The following MTMR2 variants were observed in gnomAD, a reference collection of about 807,000 sequenced individuals.
The protein encoded by MTMR2 is myotubularin related protein 2, also known as phosphatidylinositol-3,5-bisphosphate 3-phosphatase MTMR2.
A neutral mutation model predicts 86.9 loss-of-function variants in MTMR2; 55 were observed. That is an observed-to-expected ratio of 0.63 (90% confidence interval 0.51 to 0.79). The LOEUF is 0.79. Among genes scored for constraint, MTMR2 ranks in the 30% least tolerant of loss-of-function variants. MTMR2 has a pLI of 0.00. For synonymous variants in MTMR2, 241 were observed against 266.8 expected, an observed-to-expected ratio of 0.90 and a Z score of 0.94; for missense variants, 659 against 772.3, an observed-to-expected ratio of 0.85 and a Z score of 1.74.
intron 1 of MTMR2, among the ~76,000 whole-genome samples, chr11:95,889,351 T>C (rs942541943): frequency 6.6e-6 from 1 of 152,034 alleles, no homozygotes; most frequent in East Asian, 1.9e-4. Context: ...CAGGCTGGTC[T>C]TGAACTCCTG....
rs369934307 is a variant in MTMR2 at position 95,861,986 on chromosome 11, A to G, written c.468+6T>C. 7 of 1,594,214 alleles carry G rather than the reference A, an allele frequency of 4.4e-6. No homozygotes were observed. Among genetic ancestry groups the G allele is most frequent in the Admixed American group, 1.7e-5 (1 of 59,974 alleles). ...AAGAAAATCACATACATATTATAACATTTACCTTACACACAGTTTCTAGTC... is the reference window on the plus strand; with the variant it reads ...AAGAAAATCACATACATATTATAACGTTTACCTTACACACAGTTTCTAGTC... On this transcript the variant is annotated splice_donor_region_variant and intron_variant, in intron 5 of 14. Coordinates refer to ENST00000346299, the MANE Select transcript of MTMR2 (RefSeq NM_016156.6).
chr11:95,893,695 G>A (rs1865788173), intron 1 of MTMR2, among the ~76,000 whole-genome samples: 1 of 151,992 alleles, frequency 6.6e-6, no homozygotes, highest in Non-Finnish European at 1.5e-5. Context: ...TTCCCCAAGT[G>A]ACTTTTTTAA....
At chr11:95,904,194 C>A (rs1565383052) in intron 1 of MTMR2, among the ~76,000 whole-genome samples, 1 of 152,104 alleles carries the variant, frequency 6.6e-6, no homozygotes, top group Non-Finnish European at 1.5e-5. Context: ...CTTGTTTACA[C>A]AAGAAAATCT....
At chr11:95,918,820 GCATATTTCCTACCAACATATC>G (rs1287485878) in intron 1 of MTMR2, among the ~76,000 whole-genome samples, 2 of 152,060 alleles carry the variant, frequency 1.3e-5, no homozygotes, top group African/African-American at 2.4e-5. Flanking sequence ...CAACATAAAA[GCATATTTCCTACCAACATATC>G]ACTTTTTTTT....
Position 95,849,664 on chromosome 11 carries a change from A to G in MTMR2, c.993+10T>C, listed in dbSNP as rs771356983. ...AAACCATAATTATAATTACTAAGAG[A>G]CCATCTGACCTTGTTGGCAACAGCA... On this transcript the variant is annotated intron_variant, in intron 9 of 14. Coordinates refer to ENST00000346299, the MANE Select transcript of MTMR2 (RefSeq NM_016156.6). The G allele has an allele frequency of 3.8e-6, 6 of 1,589,852 alleles. No individual in the cohort carries two copies. In the South Asian group the frequency reaches 6.6e-5, roughly 17 times the overall value.
At chr11:95,839,474 TAGCTC>T (rs1434694374) in intron 12 of MTMR2, among the ~76,000 whole-genome samples, 1 of 152,158 alleles carries the variant, frequency 6.6e-6, no homozygotes, top group Non-Finnish European at 1.5e-5. Flanking sequence ...GCAAAACTGT[TAGCTC>T]AGTTATGAGA....
At chr11:95,872,895 T>C (rs949697366) in intron 2 of MTMR2, among the ~76,000 whole-genome samples, 8 of 152,250 alleles carry the variant, frequency 5.3e-5, no homozygotes, top group Admixed American at 4.6e-4. Context: ...TCATTGATTC[T>C]GTTTATATGC....
chr11:95,918,248 T>G (rs1420701816), intron 1 of MTMR2, among the ~76,000 whole-genome samples: 1 of 152,200 alleles, frequency 6.6e-6, no homozygotes, highest in African/African-American at 2.4e-5. Flanking sequence ...CCTGGAAAGC[T>G]TGCTAAAACA....
At chr11:95,920,780 T>A (rs1866892733) in intron 1 of MTMR2, among the ~76,000 whole-genome samples, 1 of 152,188 alleles carries the variant, frequency 6.6e-6, no homozygotes, top group African/African-American at 2.4e-5. Context: ...AAAGTCTTTC[T>A]TTTTTAGAGA....
rs180861192 is a variant in MTMR2, at chr11:95,910,901, C to T, written c.80+12974G>A. Among the ~76,000 whole-genome samples, 838 of 151,986 alleles carry T rather than the reference C, an allele frequency of 5.5e-3. 8 individuals carry two copies. The highest frequency in any genetic ancestry group is 0.034 in the South Asian group (163 of 4,816). ...TTTATTTAAAAAAAATAATAAAAGG[C>T]CTGCAGTGTGTATAAAACATTTGAG... On this transcript the variant is annotated intron_variant, in intron 1 of 14. Transcript: ENST00000346299.
intron 14 of MTMR2, 130 bp downstream of exon 14, chr11:95,836,018 C>T (rs748273313): frequency 8.1e-5 from 76 of 932,818 alleles, no homozygotes; most frequent in Non-Finnish European, 1.2e-4. Flanking sequence ...TTCTACTATA[C>T]GATTGTTAAC....
At chr11:95,903,815 A>C (rs1298921550) in intron 1 of MTMR2, among the ~76,000 whole-genome samples, 2 of 152,148 alleles carry the variant, frequency 1.3e-5, no homozygotes, top group African/African-American at 2.4e-5. Flanking sequence ...CCATATTGCC[A>C]TTAAATACCC....
At chr11:95,894,205 T>C (rs1052186145) in intron 1 of MTMR2, among the ~76,000 whole-genome samples, 5 of 152,184 alleles carry the variant, frequency 3.3e-5, no homozygotes, top group African/African-American at 1.2e-4. Context: ...ATCTATCTTG[T>C]AGACATACCT....
chr11:95,899,678 A>T (rs2135576427), intron 1 of MTMR2, among the ~76,000 whole-genome samples: 1 of 152,150 alleles, frequency 6.6e-6, no homozygotes, highest in Non-Finnish European at 1.5e-5. Context: ...GAAAGGACTA[A>T]ATATGACTGG....
chr11:95,879,539 T>A (rs1283612136), intron 2 of MTMR2, among the ~76,000 whole-genome samples: 1 of 152,198 alleles, frequency 6.6e-6, no homozygotes, highest in Non-Finnish European at 1.5e-5. Context: ...TCCAGTAGCC[T>A]CCAAACATGT....
At chr11:95,919,165 G>A (rs1866820240) in intron 1 of MTMR2, among the ~76,000 whole-genome samples, 1 of 152,156 alleles carries the variant, frequency 6.6e-6, no homozygotes, top group Admixed American at 6.5e-5. Flanking sequence ...AAGTGACCTT[G>A]AGGCTAAAAC....
intron 1 of MTMR2, among the ~76,000 whole-genome samples, chr11:95,901,883 T>C (rs1488854128): frequency 1.3e-5 from 2 of 152,036 alleles, no homozygotes; most frequent in Admixed American, 6.6e-5. Context: ...TTAAGCCTAT[T>C]TCCCATAAAT....
rs1231422871 is a variant in MTMR2 at position 95,833,953 on chromosome 11, T to TTTAA, written c.*1333_*1336dup. ...TAGTGAGTGGAAAAACACTGTATAT[T>TTTAA]TTAATTGTTTGATTTGGGTGTTGGT... On this transcript the variant is annotated 3_prime_UTR_variant, in exon 15 of 15. Transcript: ENST00000346299. 5.9e-5 allele frequency: 9 copies of TTTAA among 152,220 alleles called. 1 individual carries two copies. In the South Asian group the frequency reaches 1.0e-3, roughly 17 times the overall value. The allele number at this position is 152,220 out of a possible 1,614,324, so 9.4% of individuals were successfully genotyped here.
intron 2 of MTMR2, chr11:95,882,448 C>T (rs1338211451): frequency 9.9e-5 from 15 of 151,566 alleles, no homozygotes; most frequent in Admixed American, 9.2e-4. Context: ...GCAAATGAGC[C>T]GAGATGGCGC....
Sources: gnomAD v4.1 joint callset for allele counts (sites outside exome capture counted in the v4.1 genomes callset) on GRCh38, gnomAD v4.1.1 for gene constraint, MANE v1.5 for transcripts, NCBI Gene and HGNC (gene_info 2026-07-23, HGNC 2026-07-21) for gene names.